Variants in EXO5 observed in about 807,000 individuals in gnomAD.
EXO5 encodes exonuclease V.
A neutral mutation model predicts 17.8 loss-of-function variants in EXO5; 11 were observed. That is an observed-to-expected ratio of 0.62 (90% CI 0.39 to 1.02). The LOEUF is 1.02. Among genes scored for constraint, EXO5 ranks in the 50% least tolerant of loss-of-function variants. The pLI is 0.00. For missense variants in EXO5, 364 were observed against 434.8 expected (o/e 0.84, Z 1.45); for synonymous variants, 147 against 166.5 (o/e 0.88, Z 0.90).
intron 3 of EXO5, among the ~76,000 whole-genome samples, chr1:40,510,070 G>A (rs1043590538): frequency 6.6e-6 from 1 of 152,216 alleles, no homozygotes; most frequent in Non-Finnish European, 1.5e-5. Context: ...ATTAGGTTTA[G>A]AATCCATATC....
At position 40,514,858 on chromosome 1, in the gene EXO5, T is replaced by G. The variant is rs1645850544; in HGVS notation, c.314T>G (p.Phe105Cys). The change falls in exon 4 of 4, where the codon TTC (phenylalanine) becomes TGC (cysteine). Residue 105 changes from phenylalanine to cysteine, a missense_variant. Physicochemically the swap from Phe to Cys is radical, Grantham distance 205. Transcript: ENST00000415550. ...QTAYGKELPG[F>C]LAPEKAAVLD... ...GCATATGGGAAGGAGCTTCCTGGTT[T>G]CTTGGCACCTGAGAAGGCAGCTGTG... 6.2e-7 allele frequency: 1 copy of G among 1,614,118 alleles called. No individual in the cohort carries two copies. Among genetic ancestry groups the G allele is most frequent in the Non-Finnish European group, 8.5e-7 (1 of 1,180,046 alleles).
intron 3 of EXO5, among the ~76,000 whole-genome samples, chr1:40,511,902 G>A (rs1168355926): frequency 2.0e-5 from 3 of 149,822 alleles, no homozygotes; most frequent in Admixed American, 6.7e-5. Flanking sequence ...TTTTTGAGAC[G>A]GAGTCTCGCT....
intron 3 of EXO5, among the ~76,000 whole-genome samples, chr1:40,513,308 A>C (rs893073151): frequency 1.3e-5 from 2 of 152,130 alleles, no homozygotes; most frequent in African/African-American, 4.8e-5. Context: ...ATTTGTATCT[A>C]TATATAGTTG....
chr1:40,515,645 C>T lies in EXO5; in HGVS notation c.1101C>T (p.Pro367=), dbSNP rs781313002. 1.2e-6 allele frequency: 2 copies of T among 1,609,526 alleles called. No individual in the cohort carries two copies. The highest frequency in any genetic ancestry group is 1.3e-5 in the African/African-American group (1 of 74,436). Residue 367 remains proline, a synonymous_variant, in exon 4 of 4, where the codon CCC becomes CCT. Transcript: ENST00000415550. ...GSGVLSSTLA[P]QVKKAK ...GAGTGCTCAGCTCTACACTGGCGCC[C>T]CAAGTCAAAAAAGCCAAATGAATAG...
intron 3 of EXO5, among the ~76,000 whole-genome samples, chr1:40,510,677 C>T (rs528200234): frequency 1.3e-5 from 2 of 152,230 alleles, no homozygotes; most frequent in Non-Finnish European, 2.9e-5. Flanking sequence ...TTTCTGTGAT[C>T]AGGGAATGTT....
intron 3 of EXO5, among the ~76,000 whole-genome samples, chr1:40,510,793 T>G (rs1397489433): frequency 6.6e-6 from 1 of 152,234 alleles, no homozygotes; most frequent in Non-Finnish European, 1.5e-5. Flanking sequence ...TTAATTAAAT[T>G]TAAGTAGCCA....
chr1:40,512,048 T>G (rs578190413), intron 3 of EXO5, among the ~76,000 whole-genome samples: 2 of 152,082 alleles, frequency 1.3e-5, no homozygotes, highest in Non-Finnish European at 2.9e-5. Flanking sequence ...CCGGCTAATT[T>G]TTTGTACTTT....
At position 40,515,674 on chromosome 1, in the gene EXO5, G is replaced by A. The variant is rs769771664; in HGVS notation, c.*8G>A. ...GTCAAAAAAGCCAAATGAATAGAAG[G>A]TATGCTTTCAAGAATGTTGATCCTT... On this transcript the variant is annotated 3_prime_UTR_variant, in exon 4 of 4. Coordinates refer to ENST00000415550, the MANE Select transcript of EXO5 (RefSeq NM_001346953.2). 2 of 1,604,400 alleles carry A rather than the reference G, an allele frequency of 1.2e-6. No homozygotes were observed. Among genetic ancestry groups the A allele is most frequent in the Non-Finnish European group, 1.7e-6 (2 of 1,175,548 alleles).
chr1:40,515,510 T>A lies in EXO5; in HGVS notation c.966T>A (p.Tyr322Ter). The change falls in exon 4 of 4, where the codon TAT (tyrosine) becomes TAA (stop). Residue 322 changes from tyrosine (Y) to a stop codon, truncating the protein, a stop_gained. Transcript: ENST00000415550. LOFTEE classifies it high-confidence loss of function. ...EKEVRAKVQH[Y>*]MAYWMGHREP... ...AGGTGAGAGCCAAGGTGCAGCATTA[T>A]ATGGCCTACTGGATGGGCCACCGAG... 6.2e-7 allele frequency: 1 copy of A among 1,613,750 alleles called. No homozygotes were observed. The highest frequency in any genetic ancestry group is 1.1e-5 in the South Asian group (1 of 91,028).
In EXO5 at chr1:40,515,502, C is replaced by T. The variant is rs1362248289; in HGVS notation, c.958C>T (p.Gln320Ter). ...AGAGAAGGAGGTGAGAGCCAAGGTG[C>T]AGCATTATATGGCCTACTGGATGGG... is the stretch of plus-strand genomic sequence containing the variant. Reference protein sequence around the residue: ...FKEKEVRAKVQHYMAYWMGHR... With the variant: ...FKEKEVRAKV The change falls in exon 4 of 4, where the codon CAG becomes TAG. Residue 320 changes from glutamine (Q) to a stop codon, truncating the protein, a stop_gained. Transcript: ENST00000415550. LOFTEE classifies it high-confidence loss of function. 1 of 1,613,630 alleles carries T rather than the reference C, an allele frequency of 6.2e-7. No individual in the cohort carries two copies. The highest frequency in any genetic ancestry group is 1.3e-5 in the African/African-American group (1 of 74,778).
At position 40,515,261 on chromosome 1, in the gene EXO5, C is replaced by A; in HGVS notation, c.717C>A (p.Ile239=). 1.2e-6 allele frequency: 2 copies of A among 1,614,072 alleles called. No individual in the cohort carries two copies. The highest frequency in any genetic ancestry group is 1.7e-6 in the Non-Finnish European group (2 of 1,180,024). The change falls in exon 4 of 4, where the codon ATC becomes ATA. Residue 239 remains isoleucine, a synonymous_variant. Transcript: ENST00000415550. Reference sequence around the variant, plus strand: ...GAAAAGTGACCCCTGCTAGCCTAATCCACCACACAAAGTTGTGTCTAGAAA... The same window carrying A: ...GAAAAGTGACCCCTGCTAGCCTAATACACCACACAAAGTTGTGTCTAGAAA... ...VQGKVTPASL[I]HHTKLCLEKP... is the part of the protein sequence containing the mutation.
intron 3 of EXO5, among the ~76,000 whole-genome samples, chr1:40,510,194 C>CTTT (rs11292573): frequency 2.1e-4 from 32 of 150,334 alleles, no homozygotes; most frequent in Non-Finnish European, 5.9e-5. Context: ...TTTTTACTTA[C>CTTT]TTTTTTTTTT....
rs1345623039 is a variant in EXO5 at position 40,515,676 on chromosome 1, A to G, written c.*10A>G. The G allele has an allele frequency of 6.2e-7, 1 of 1,603,788 alleles. No individual in the cohort carries two copies. The highest frequency in any genetic ancestry group is 1.3e-5 in the African/African-American group (1 of 74,378). Reference sequence around the variant, plus strand: ...CAAAAAAGCCAAATGAATAGAAGGTATGCTTTCAAGAATGTTGATCCTTCC... The same window carrying G: ...CAAAAAAGCCAAATGAATAGAAGGTGTGCTTTCAAGAATGTTGATCCTTCC... On this transcript the variant is annotated 3_prime_UTR_variant, in exon 4 of 4. Transcript: ENST00000415550.
Position 40,514,762 on chromosome 1 carries a change from T to C in EXO5, c.218T>C (p.Met73Thr), listed in dbSNP as rs200406212. 6.2e-7 allele frequency: 1 copy of C among 1,614,164 alleles called. No individual in the cohort carries two copies. The highest frequency in any genetic ancestry group is 1.3e-5 in the African/African-American group (1 of 75,056). ...AGAGGATTGGATATATTATCACCCA[T>C]GGAGAGATTCCACCTTAAATATTTA... ...WKRGLDILSPMERFHLKYLYV... is the reference protein window; with the variant it reads ...WKRGLDILSPTERFHLKYLYV... The change falls in exon 4 of 4, where the codon ATG (methionine) becomes ACG (threonine). Residue 73 changes from methionine to threonine, a missense_variant. Coordinates refer to ENST00000415550, the MANE Select transcript of EXO5 (RefSeq NM_001346953.2).
In EXO5 at chr1:40,515,642, G is replaced by A. The variant is rs35095317; in HGVS notation, c.1098G>A (p.Ala366=). ...GTGGAGTGCTCAGCTCTACACTGGCGCCCCAAGTCAAAAAAGCCAAATGAA... is the reference window on the plus strand; with the variant it reads ...GTGGAGTGCTCAGCTCTACACTGGCACCCCAAGTCAAAAAAGCCAAATGAA... ...KGSGVLSSTL[A]PQVKKAK is the part of the protein sequence containing the mutation. Residue 366 remains alanine, a synonymous_variant, in exon 4 of 4, where the codon GCG becomes GCA. Transcript: ENST00000415550. The A allele has an allele frequency of 3.4e-3, 5,455 of 1,610,488 alleles. 165 individuals are homozygous for A. In the African/African-American group the frequency reaches 0.064, roughly 19 times the overall value.
chr1:40,511,875 T>C (rs1267214141), intron 3 of EXO5, among the ~76,000 whole-genome samples: 1 of 137,970 alleles, frequency 7.2e-6, no homozygotes, highest in Non-Finnish European at 1.5e-5. Flanking sequence ...AGTTTCTTTT[T>C]TCTTTTTTCT....
At chr1:40,509,153 G>A (rs193177899) in intron 1 of EXO5, 3 of 152,398 alleles carry the variant, frequency 2.0e-5, no homozygotes, top group Admixed American at 2.0e-4. Flanking sequence ...AGAACTGTAG[G>A]AAGTGCTCAG....
chr1:40,510,819 T>C (rs987962302), intron 3 of EXO5, among the ~76,000 whole-genome samples: 14 of 152,256 alleles, frequency 9.2e-5, no homozygotes, highest in African/African-American at 3.4e-4. Context: ...GGCTAGTGGC[T>C]ACTAATGGCT....
At chr1:40,511,190 C>G (rs1570074425) in intron 3 of EXO5, among the ~76,000 whole-genome samples, 1 of 152,156 alleles carries the variant, frequency 6.6e-6, no homozygotes, top group South Asian at 2.1e-4. Context: ...AGCTGAGATC[C>G]CGCCACTGCA....
Sources: allele counts gnomAD v4.1 joint callset (sites outside exome capture counted in the v4.1 genomes callset), GRCh38; gene constraint gnomAD v4.1.1; transcripts MANE v1.5; gene names NCBI Gene and HGNC (gene_info 2026-07-23, HGNC 2026-07-21).